Variants in RNF14 observed in about 807,000 individuals in gnomAD.
RNF14 encodes the protein E3 ubiquitin-protein ligase RNF14.
A neutral mutation model predicts 52.6 loss-of-function variants in RNF14; 26 were observed. That is an observed-to-expected ratio of 0.49 (90% CI 0.36 to 0.69). RNF14 has a LOEUF of 0.69. Ranked by LOEUF, RNF14 falls within the 30% of genes least tolerant of loss-of-function variation. RNF14 has a pLI of 0.00. For synonymous variants in RNF14, 194 were observed against 202.0 expected (o/e 0.96, Z 0.34); for missense variants, 404 against 560.4 (o/e 0.72, Z 2.82).
chr5:141,973,983 A>G (rs1043319373), intron 3 of RNF14, among the ~76,000 whole-genome samples: 1 of 152,232 alleles, frequency 6.6e-6, no homozygotes, highest in African/African-American at 2.4e-5. Flanking sequence ...TGGTCTGCTA[A>G]CTAGCAGTTT....
upstream of RNF14, chr5:141,955,360 T>A (rs751347629): frequency 6.2e-7 from 1 of 1,614,096 alleles, no homozygotes; most frequent in Non-Finnish European, 8.5e-7. This position sits in a 1 kb window ranked among gnomAD's most constrained non-coding sequence, Gnocchi z 5.5. Context: ...TGCTCCCTGG[T>A]TGCCTTGATT....
At chr5:141,965,677 C>T (rs1301228385), upstream of RNF14, among the ~76,000 whole-genome samples, 2 of 152,080 alleles carry the variant, frequency 1.3e-5, no homozygotes, top group Non-Finnish European at 2.9e-5. Context: ...AACCTTAGTG[C>T]CTCCATCATC....
intron 3 of RNF14, 97 bp from the exon 4 acceptor site, chr5:141,974,707 C>T (rs1242921404): frequency 2.5e-5 from 29 of 1,178,960 alleles, no homozygotes; most frequent in Non-Finnish European, 3.4e-5. Flanking sequence ...TTTATTCCCT[C>T]AACTAAAGCA....
intron 4 of RNF14, among the ~76,000 whole-genome samples, chr5:141,977,967 A>G (rs1754409211): frequency 6.6e-6 from 1 of 152,256 alleles, no homozygotes; most frequent in South Asian, 2.1e-4. Flanking sequence ...TGGCAGTACT[A>G]AAAGATTAAA....
chr5:141,986,480 G>A (rs540038365), intron 8 of RNF14, among the ~76,000 whole-genome samples: 21 of 152,334 alleles, frequency 1.4e-4, no homozygotes, highest in Admixed American at 1.1e-3. Context: ...TCTTGAAAGG[G>A]TTCAGTTTAA....
upstream of RNF14, among the ~76,000 whole-genome samples, chr5:141,966,311 A>G (rs570283716): frequency 6.6e-6 from 1 of 152,334 alleles, no homozygotes; most frequent in Admixed American, 6.5e-5. Flanking sequence ...ACCCCAAAGT[A>G]TAATACACCT....
At position 141,978,582 on chromosome 5, in the gene RNF14, A is replaced by C. The variant is rs1419714072; in HGVS notation, c.586A>C (p.Asn196His). The change falls in exon 5 of 9, where the codon AAT (asparagine) becomes CAT (histidine). Residue 196 changes from asparagine (N) to histidine (H), a missense_variant. Physicochemically the swap from Asn to His is moderately conservative, Grantham distance 68 (BLOSUM62 1). Coordinates refer to ENST00000394520, the MANE Select transcript of RNF14 (RefSeq NM_004290.5). ...RAVQDVESLS[N>H]LIQEILDFDQ... ...AGTGCAGGATGTGGAATCACTGTCA[A>C]ATCTGATCCAGGAAATCTTGGACTT... 2 of 1,614,126 alleles carry C rather than the reference A, an allele frequency of 1.2e-6. No individual in the cohort carries two copies. Among genetic ancestry groups the C allele is most frequent in the Admixed American group, 1.7e-5 (1 of 60,020 alleles).
At position 141,980,347 on chromosome 5, in the gene RNF14, T is replaced by G. The variant is rs147059342; in HGVS notation, c.1059T>G (p.Thr353=). ...ATGGGGTCTCCCCATGTAAGGTGACTGCAGGTATGTTTTAACTGTGAACCC... is the reference window on the plus strand; with the variant it reads ...ATGGGGTCTCCCCATGTAAGGTGACGGCAGGTATGTTTTAACTGTGAACCC... ...TYHGVSPCKV[T]AEKLMDLRNE... Residue 353 remains threonine, a synonymous_variant, in exon 6 of 9, where the codon ACT becomes ACG. Coordinates refer to ENST00000394520, the MANE Select transcript of RNF14 (RefSeq NM_004290.5). The G allele has an allele frequency of 1.2e-3, 1,930 of 1,612,786 alleles. 11 individuals are homozygous for G. The African/African-American group carries it at 0.013, about 11-fold the overall frequency.
upstream of RNF14, chr5:141,956,502 G>C: frequency 1.2e-6 from 2 of 1,614,234 alleles, no homozygotes; most frequent in Non-Finnish European, 1.7e-6. Context: ...TGATGTCACT[G>C]ATCTGAATGC....
Position 141,973,598 on chromosome 5 carries a change from G to A in RNF14, c.10G>A (p.Glu4Lys). 1 of 1,608,206 alleles carries A rather than the reference G, an allele frequency of 6.2e-7. No homozygotes were observed. Among genetic ancestry groups the A allele is most frequent in the Non-Finnish European group, 8.5e-7 (1 of 1,178,532 alleles). The stretch of plus-strand genomic sequence containing the variant: ...ATGTTTTCAGGTCCTTATGTCGTCA[G>A]AAGATCGAGAAGCTCAGGAGGATGA... MSS[E>K]DREAQEDELL... The change falls in exon 3 of 9, where the codon GAA (glutamate) becomes AAA (lysine). Residue 4 changes from glutamate (E) to lysine (K), a missense_variant. Coordinates refer to ENST00000394520, the MANE Select transcript of RNF14 (RefSeq NM_004290.5).
At position 141,988,499 on chromosome 5, in the gene RNF14, C is replaced by T. The variant is rs999528808; in HGVS notation, c.*709C>T. ...CAAATCTAGAATTTAGTGATACTGG[C>T]TCAGAAGAATTTAAGTTCTATTCAG... On this transcript the variant is annotated 3_prime_UTR_variant, in exon 9 of 9. Transcript: ENST00000394520. 12 of 152,414 alleles carry T rather than the reference C, an allele frequency of 7.9e-5. No individual in the cohort carries two copies. Among genetic ancestry groups the T allele is most frequent in the Middle Eastern group, 3.4e-3 (1 of 294 alleles). The allele number at this position is 152,414 out of a possible 1,614,324, so 9.4% of individuals were successfully genotyped here.
chr5:141,985,569 T>C (rs1755158570), intron 8 of RNF14, among the ~76,000 whole-genome samples: 1 of 152,202 alleles, frequency 6.6e-6, no homozygotes, highest in Non-Finnish European at 1.5e-5. Context: ...ACTTTTTTTT[T>C]TGTTGAGTCA....
intron 6 of RNF14, chr5:141,981,453 TAAATC>T (rs1561555308): frequency 6.6e-6 from 1 of 152,096 alleles, no homozygotes; most frequent in African/African-American, 2.4e-5. Context: ...CTAAAAAAAT[TAAATC>T]AAGCAAACCT....
At chr5:141,954,958 C>A, upstream of RNF14, 2 of 1,600,698 alleles carry the variant, frequency 1.2e-6, no homozygotes, top group South Asian at 1.1e-5. Context: ...AAGAGCTGCC[C>A]ATGCCCCAGG....
chr5:141,955,317 C>G (rs779793170), upstream of RNF14: 27 of 1,614,058 alleles, frequency 1.7e-5, no homozygotes, highest in East Asian at 2.2e-5. The surrounding 1 kb of genome is among the most constrained non-coding windows in gnomAD (Gnocchi z 5.5). Flanking sequence ...GGAGGTTGAC[C>G]GTGTCTTGCA....
upstream of RNF14, chr5:141,954,897 G>A (rs1753147061): frequency 3.1e-5 from 47 of 1,527,114 alleles, no homozygotes; most frequent in Non-Finnish European, 3.9e-5. Flanking sequence ...GGACTGTGCA[G>A]GTTATGGGGG....
intron 1 of RNF14, among the ~76,000 whole-genome samples, chr5:141,959,739 C>A (rs1308559076): frequency 6.6e-6 from 1 of 152,184 alleles, no homozygotes; most frequent in East Asian, 1.9e-4. Context: ...AACTATTTCA[C>A]TGAAACCCAT....
chr5:141,973,426 T>TG (rs1256499526), intron 2 of RNF14, among the ~76,000 whole-genome samples, 157 bp from the exon 3 acceptor site: 1 of 152,046 alleles, frequency 6.6e-6, no homozygotes. Flanking sequence ...TTAGCAGAGA[T>TG]GGGGTTTCAC....
intron 6 of RNF14, among the ~76,000 whole-genome samples, chr5:141,982,269 A>G (rs999250860): frequency 1.3e-5 from 2 of 152,210 alleles, no homozygotes; most frequent in Non-Finnish European, 2.9e-5. Flanking sequence ...TTTGTCCTTA[A>G]GATGCCTAGG....
Sources: allele counts gnomAD v4.1 joint callset (sites outside exome capture counted in the v4.1 genomes callset), GRCh38; gene constraint gnomAD v4.1.1; non-coding constraint Gnocchi (gnomAD v3.1); transcripts MANE v1.5; gene names NCBI Gene and HGNC (gene_info 2026-07-23, HGNC 2026-07-21).